The following NKAIN3 variants were observed in gnomAD, a reference collection of about 807,000 sequenced individuals.
NKAIN3 encodes sodium/potassium-transporting ATPase subunit beta-1-interacting protein 3.
In NKAIN3, 25 loss-of-function variants were observed where a neutral mutation model predicts 30.2. The ratio of observed to expected loss-of-function variants is 0.83; its 90% CI spans 0.60 to 1.16. The LOEUF (loss-of-function observed/expected upper bound fraction) is 1.16. Among genes scored for constraint, NKAIN3 ranks in the 50% most tolerant of loss-of-function variants. The probability of loss-of-function intolerance (pLI) is 0.00; values close to 1 mark genes in which losing one functional copy is unlikely to be tolerated. For missense variants in NKAIN3, 225 were observed against 254.1 expected, an observed-to-expected ratio of 0.89 and a Z score of 0.78; for synonymous variants, 91 against 89.6, an observed-to-expected ratio of 1.02 and a Z score of -0.09.
chr8:62,590,469 A>C (rs959729950), intron 3 of NKAIN3, among the ~76,000 whole-genome samples: 8 of 151,862 alleles, frequency 5.3e-5, no homozygotes, highest in Non-Finnish European at 8.8e-5. Context: ...TTAAGTTTCT[A>C]GTTGTGTTTC....
At chr8:62,744,272 A>C (rs1043328853) in intron 3 of NKAIN3, among the ~76,000 whole-genome samples, 1 of 152,240 alleles carries the variant, frequency 6.6e-6, no homozygotes, top group African/African-American at 2.4e-5. Flanking sequence ...GTTTAAGTAT[A>C]ATTTAATGTT....
At chr8:62,616,642 C>T (rs1272876608) in intron 3 of NKAIN3, among the ~76,000 whole-genome samples, 2 of 152,008 alleles carry the variant, frequency 1.3e-5, no homozygotes, top group East Asian at 1.9e-4. Flanking sequence ...AGCTTTATTA[C>T]GTAGGCATGC....
intron 1 of NKAIN3, among the ~76,000 whole-genome samples, chr8:62,540,642 A>T (rs1808808082): frequency 6.6e-6 from 1 of 152,166 alleles, no homozygotes; most frequent in South Asian, 2.1e-4. Context: ...GAGAGTTTAG[A>T]GTAGCCTCTC....
intron 4 of NKAIN3, among the ~76,000 whole-genome samples, chr8:62,830,349 T>C (rs1819158270): frequency 6.6e-6 from 1 of 152,170 alleles, no homozygotes; most frequent in Non-Finnish European, 1.5e-5. Flanking sequence ...CCCTTTATAC[T>C]CAATATGCAG....
chr8:62,335,718 T>A (rs929804344), intron 1 of NKAIN3, among the ~76,000 whole-genome samples: 2 of 151,998 alleles, frequency 1.3e-5, no homozygotes, highest in African/African-American at 4.8e-5. Context: ...GGTCACTAGA[T>A]CCTTAACTAG....
intron 4 of NKAIN3, among the ~76,000 whole-genome samples, chr8:62,902,738 C>T (rs565891129): frequency 6.6e-6 from 1 of 152,282 alleles, no homozygotes; most frequent in South Asian, 2.1e-4. Context: ...GACCTCATAA[C>T]ACTCAGATAT....
At chr8:62,627,997 G>T (rs1586025465) in intron 3 of NKAIN3, among the ~76,000 whole-genome samples, 1 of 152,126 alleles carries the variant, frequency 6.6e-6, no homozygotes, top group South Asian at 2.1e-4. Context: ...TCAGTAAATG[G>T]AGTCCATTAT....
intron 5 of NKAIN3, among the ~76,000 whole-genome samples, chr8:62,933,221 C>T (rs1217902250): frequency 6.6e-6 from 1 of 152,066 alleles, no homozygotes; most frequent in African/African-American, 2.4e-5. Flanking sequence ...GAGCAAATGG[C>T]ATTTTCATGG....
rs1823847255 is a variant in NKAIN3 at position 62,972,051 on chromosome 8, T to A, written c.*6644T>A. On this transcript the variant is annotated 3_prime_UTR_variant, in exon 7 of 7. Coordinates refer to ENST00000623646, the MANE Select transcript of NKAIN3 (RefSeq NM_001304533.3). The stretch of plus-strand genomic sequence containing the variant: ...CTGCCACAATAAATTAATTCTTCTA[T>A]GGTCATAACACTTGGCTATTTTATT... Among the ~76,000 whole-genome samples, 1 of 152,332 alleles carries A rather than the reference T, an allele frequency of 6.6e-6. No homozygotes were observed. The highest frequency in any genetic ancestry group is 2.1e-4 in the South Asian group (1 of 4,830).
intron 1 of NKAIN3, chr8:62,483,417 C>G: frequency 4.8e-6 from 1 of 209,028 alleles, no homozygotes. Flanking sequence ...TTCAGCATTT[C>G]ATAAAGTATT....
chr8:62,353,635 C>T (rs1816250938), intron 1 of NKAIN3, among the ~76,000 whole-genome samples: 1 of 152,060 alleles, frequency 6.6e-6, no homozygotes, highest in Non-Finnish European at 1.5e-5. Flanking sequence ...GATAATGTGT[C>T]ATTAATTTTT....
intron 4 of NKAIN3, among the ~76,000 whole-genome samples, chr8:62,876,242 G>A (rs915414454): frequency 6.6e-6 from 1 of 151,282 alleles, no homozygotes; most frequent in Middle Eastern, 3.2e-3. Flanking sequence ...TCACCGATCA[G>A]CAAATCAAAA....
intron 3 of NKAIN3, among the ~76,000 whole-genome samples, chr8:62,633,218 C>A (rs1412588328): frequency 6.6e-6 from 1 of 152,126 alleles, no homozygotes; most frequent in East Asian, 1.9e-4. Context: ...CTGTTATGAA[C>A]ATTATCATTT....
rs576328127 is a variant in NKAIN3 at position 62,470,844 on chromosome 8, A to C, written c.55-108695A>C. Among the ~76,000 whole-genome samples, 4 of 152,218 alleles carry C rather than the reference A, an allele frequency of 2.6e-5. No individual in the cohort carries two copies. The South Asian group carries it at 8.3e-4, about 32-fold the overall frequency. On this transcript the variant is annotated intron_variant, in intron 1 of 6. Transcript: ENST00000623646. ...TGGCCTAAATGCAGTTAAAAAAAAA[A>C]CAACTTAGGTTCTATAAATATGTGT... is the stretch of plus-strand genomic sequence containing the variant.
chr8:62,802,113 A>T (rs1441801589), intron 4 of NKAIN3, among the ~76,000 whole-genome samples: 2 of 152,202 alleles, frequency 1.3e-5, no homozygotes, highest in African/African-American at 4.8e-5. Context: ...GAAATATGGA[A>T]CTATGTGAAA....
chr8:62,631,346 TTTCTCACCTTGGTGAGG>T (rs1226780206), intron 3 of NKAIN3, among the ~76,000 whole-genome samples: 2 of 152,152 alleles, frequency 1.3e-5, no homozygotes. Flanking sequence ...ATCTCTGATA[TTTCTCACCTTGGTGAGG>T]GATGCTGTCC....
At chr8:62,555,625 A>G (rs1040562199) in intron 1 of NKAIN3, among the ~76,000 whole-genome samples, 6 of 152,116 alleles carry the variant, frequency 3.9e-5, no homozygotes, top group Admixed American at 1.3e-4. Context: ...TTAGTAGGAA[A>G]AAAAGACAGA....
At chr8:62,412,904 T>C (rs1220083658) in intron 1 of NKAIN3, among the ~76,000 whole-genome samples, 3 of 92,342 alleles carry the variant, frequency 3.2e-5, no homozygotes, top group Non-Finnish European at 6.1e-5. Flanking sequence ...AGACTGAGAC[T>C]CCGTCAAAAA....
intron 1 of NKAIN3, among the ~76,000 whole-genome samples, chr8:62,500,514 A>G (rs1458507926): frequency 1.3e-5 from 2 of 151,724 alleles, no homozygotes; most frequent in East Asian, 3.9e-4. Flanking sequence ...AGAAGGAAAG[A>G]AAGAAAGAGT....
Sources: gnomAD v4.1 joint callset for allele counts (sites outside exome capture counted in the v4.1 genomes callset) on GRCh38, gnomAD v4.1.1 for gene constraint, MANE v1.5 for transcripts, NCBI Gene and HGNC (gene_info 2026-07-23, HGNC 2026-07-21) for gene names.